The following PLCL2 variants were observed in gnomAD, a reference collection of about 807,000 sequenced individuals.
PLCL2 encodes the protein phospholipase C like 2.
PLCL2 carries 4 observed loss-of-function variants against 79.6 expected under a neutral mutation model. That is an observed-to-expected ratio of 0.05 (90% CI 0.02 to 0.11). PLCL2 has a LOEUF of 0.11. Among genes scored for constraint, PLCL2 ranks in the 10% least tolerant of loss-of-function variants. The probability of loss-of-function intolerance (pLI) is 1.00; values close to 1 mark genes in which losing one functional copy is unlikely to be tolerated. For missense variants in PLCL2, 895 were observed against 1,291.0 expected, an observed-to-expected ratio of 0.69 and a Z score of 4.70; for synonymous variants, 484 against 457.7, an observed-to-expected ratio of 1.06 and a Z score of -0.73.
chr3:16,997,778 T>G (rs1033538274), intron 1 of PLCL2, among the ~76,000 whole-genome samples: 1 of 152,094 alleles, frequency 6.6e-6, no homozygotes, highest in African/African-American at 2.4e-5. Flanking sequence ...GACCTCATGA[T>G]CCACCTGCCT....
chr3:16,968,716 C>G (rs78689751), intron 1 of PLCL2, among the ~76,000 whole-genome samples: 3,177 of 152,152 alleles, frequency 0.021, 56 homozygotes, highest in South Asian at 0.043. Context: ...TGTCTGCAAA[C>G]AGAGATAGTT....
At chr3:16,911,104 T>C (rs1696870267) in intron 1 of PLCL2, among the ~76,000 whole-genome samples, 1 of 152,008 alleles carries the variant, frequency 6.6e-6, no homozygotes, top group Non-Finnish European at 1.5e-5. Context: ...AATACAAAAA[T>C]TAGCTGGGCG....
At chr3:16,889,462 A>G (rs1696298344) in intron 1 of PLCL2, among the ~76,000 whole-genome samples, 1 of 152,186 alleles carries the variant, frequency 6.6e-6, no homozygotes, top group Non-Finnish European at 1.5e-5. Flanking sequence ...CATAGCCAGG[A>G]GGCTTTTAGT....
intron 1 of PLCL2, among the ~76,000 whole-genome samples, chr3:16,920,934 G>A (rs1053839378): frequency 5.3e-5 from 8 of 152,188 alleles, no homozygotes; most frequent in African/African-American, 1.9e-4. Context: ...TGTGGTAATG[G>A]CCATTAAAAT....
chr3:17,050,150 C>A (rs906148540), intron 4 of PLCL2, among the ~76,000 whole-genome samples: 4 of 152,110 alleles, frequency 2.6e-5, no homozygotes, highest in African/African-American at 9.7e-5. Context: ...TGAAACTGGA[C>A]CCCTATCTCT....
At chr3:16,949,410 GGCAC>G (rs779966403) in intron 1 of PLCL2, among the ~76,000 whole-genome samples, 2 of 152,112 alleles carry the variant, frequency 1.3e-5, no homozygotes, top group Non-Finnish European at 2.9e-5. Flanking sequence ...CTTGTTTAAT[GGCAC>G]TTTAATTTCC....
At chr3:17,071,263 G>A (rs1007487158) in intron 5 of PLCL2, among the ~76,000 whole-genome samples, 6 of 152,076 alleles carry the variant, frequency 3.9e-5, no homozygotes, top group Non-Finnish European at 7.4e-5. Flanking sequence ...TAAAAGTGTC[G>A]TTTCATTGAA....
intron 1 of PLCL2, among the ~76,000 whole-genome samples, chr3:16,895,163 G>GTATCTATA (rs1696450025): frequency 6.6e-6 from 1 of 150,686 alleles, no homozygotes; most frequent in African/African-American, 2.5e-5. Flanking sequence ...TGTTGAAAAT[G>GTATCTATA]TCTTCTAGTA....
intron 4 of PLCL2, among the ~76,000 whole-genome samples, chr3:17,045,818 G>C (rs926196477): frequency 2.0e-5 from 3 of 152,274 alleles, no homozygotes; most frequent in African/African-American, 2.4e-5. Context: ...AGGGAGAAAG[G>C]CTCCTCGTCT....
At chr3:17,070,079 A>G (rs1343969310) in intron 5 of PLCL2, among the ~76,000 whole-genome samples, 1 of 152,220 alleles carries the variant, frequency 6.6e-6, no homozygotes, top group Non-Finnish European at 1.5e-5. Flanking sequence ...AGAGGCAAAT[A>G]TAGACATAGG....
intron 1 of PLCL2, among the ~76,000 whole-genome samples, chr3:16,981,163 G>GGGAGAA (rs2063993122): frequency 6.6e-6 from 1 of 151,810 alleles, no homozygotes; most frequent in African/African-American, 2.4e-5. Context: ...GAGAGGGAGA[G>GGGAGAA]GGAGAGGCAA....
chr3:17,044,543 T>TA (rs1452961750), intron 4 of PLCL2, among the ~76,000 whole-genome samples: 1 of 152,194 alleles, frequency 6.6e-6, no homozygotes, highest in Non-Finnish European at 1.5e-5. Context: ...TTCCATCTTG[T>TA]AAACAGGATA....
At chr3:16,978,132 T>C (rs935509061) in intron 1 of PLCL2, among the ~76,000 whole-genome samples, 5 of 152,238 alleles carry the variant, frequency 3.3e-5, no homozygotes, top group Admixed American at 6.5e-5. Flanking sequence ...CCAATACATA[T>C]AATTTTGGGC....
intron 1 of PLCL2, among the ~76,000 whole-genome samples, chr3:16,991,932 G>T (rs1221369748): frequency 6.6e-6 from 1 of 152,118 alleles, no homozygotes; most frequent in African/African-American, 2.4e-5. Flanking sequence ...GAGGGGAGAT[G>T]ATTCAAATTA....
rs1697138713 is a variant in PLCL2, at chr3:16,922,170, T to G, written c.327+36804T>G. Among the ~76,000 whole-genome samples, 3 of 152,208 alleles carry G rather than the reference T, an allele frequency of 2.0e-5. No homozygotes were observed. The South Asian group carries it at 6.2e-4, about 31-fold the overall frequency. Reference sequence around the variant, plus strand: ...TCTGCAGTTTTTGTTATGTTAAAACTTATTCAGGAAGAATTTCAGTATTCA... The same window carrying G: ...TCTGCAGTTTTTGTTATGTTAAAACGTATTCAGGAAGAATTTCAGTATTCA... On this transcript the variant is annotated intron_variant, in intron 1 of 5. Transcript: ENST00000615277.
chr3:17,069,430 G>A (rs1016781672), intron 5 of PLCL2, among the ~76,000 whole-genome samples: 1 of 152,128 alleles, frequency 6.6e-6, no homozygotes. Flanking sequence ...AGGCATTTGT[G>A]CTTCTCTTTG....
intron 1 of PLCL2, among the ~76,000 whole-genome samples, chr3:16,919,819 T>C (rs764119747): frequency 7.2e-5 from 11 of 152,184 alleles, no homozygotes; most frequent in Non-Finnish European, 1.2e-4. Flanking sequence ...ATAAGTGTTC[T>C]TCTTGGGAAT....
intron 1 of PLCL2, among the ~76,000 whole-genome samples, chr3:16,920,923 G>A (rs1334225412): frequency 2.0e-5 from 3 of 152,258 alleles, no homozygotes; most frequent in Non-Finnish European, 2.9e-5. Flanking sequence ...AGGAAGTTTG[G>A]TGTGGTAATG....
At chr3:17,062,318 C>T (rs187603720) in intron 4 of PLCL2, among the ~76,000 whole-genome samples, 111 of 152,326 alleles carry the variant, frequency 7.3e-4, no homozygotes, top group Middle Eastern at 3.4e-3. Flanking sequence ...TTTAAACACA[C>T]TGTATATTCT....
Sources: gnomAD v4.1 joint callset for allele counts (sites outside exome capture counted in the v4.1 genomes callset) on GRCh38, gnomAD v4.1.1 for gene constraint, MANE v1.5 for transcripts, NCBI Gene and HGNC (gene_info 2026-07-23, HGNC 2026-07-21) for gene names.